FHIT: variants seen among roughly 807,000 people sequenced by gnomAD.
FHIT encodes bis(5'-adenosyl)-triphosphatase.
In FHIT, 19 loss-of-function variants were observed where a neutral mutation model predicts 17.9. The observed-to-expected ratio is 1.06, with a 90% CI of 0.74 to 1.56. The LOEUF is 1.56. Among genes scored for constraint, FHIT ranks in the 40% most tolerant of loss-of-function variants. The pLI, the probability that FHIT is intolerant of heterozygous loss-of-function variation, is 0.00. For synonymous variants in FHIT, 81 were observed against 69.7 expected (o/e 1.16, Z -0.81); for missense variants, 248 against 189.2 (o/e 1.31, Z -1.82).
intron 3 of FHIT, among the ~76,000 whole-genome samples, chr3:60,896,557 C>T (rs549261420): frequency 6.6e-6 from 1 of 152,188 alleles, no homozygotes; most frequent in East Asian, 1.9e-4. Flanking sequence ...AGAATTGTCC[C>T]ACAAATAACA....
chr3:60,158,462 C>T (rs113880653), intron 5 of FHIT, among the ~76,000 whole-genome samples: 10,516 of 152,148 alleles, frequency 0.069, 420 homozygotes, highest in Middle Eastern at 0.16. Context: ...CAGGCACCTG[C>T]CACCAGGCCT....
At chr3:60,386,816 T>A (rs1701028665) in intron 5 of FHIT, among the ~76,000 whole-genome samples, 1 of 152,152 alleles carries the variant, frequency 6.6e-6, no homozygotes, top group South Asian at 2.1e-4. Flanking sequence ...TGCTGACCAC[T>A]TTACATGCAT....
intron 7 of FHIT, among the ~76,000 whole-genome samples, chr3:59,945,413 A>G (rs1706750955): frequency 6.6e-6 from 1 of 152,024 alleles, no homozygotes; most frequent in Non-Finnish European, 1.5e-5. Flanking sequence ...TAGAGTCTGA[A>G]TCTTATACTT....
chr3:60,802,085 T>C (rs1263088218), intron 4 of FHIT, among the ~76,000 whole-genome samples: 1 of 152,232 alleles, frequency 6.6e-6, no homozygotes, highest in Non-Finnish European at 1.5e-5. Flanking sequence ...ACTGTCATTA[T>C]GAGAGAATTT....
At chr3:60,129,939 C>A (rs1035821068) in intron 5 of FHIT, among the ~76,000 whole-genome samples, 1 of 152,102 alleles carries the variant, frequency 6.6e-6, no homozygotes, top group African/African-American at 2.4e-5. Flanking sequence ...TGTTTTTGTG[C>A]CCTTTTCTAG....
chr3:61,080,279 G>T (rs908564207), intron 2 of FHIT, among the ~76,000 whole-genome samples: 12 of 152,238 alleles, frequency 7.9e-5, no homozygotes, highest in African/African-American at 2.9e-4. Context: ...AGCCATTCAA[G>T]TTGTCATTTA....
intron 3 of FHIT, among the ~76,000 whole-genome samples, chr3:60,981,815 C>T (rs1309910002): frequency 2.6e-5 from 4 of 151,754 alleles, no homozygotes; most frequent in Admixed American, 2.6e-4. Flanking sequence ...GTTACCCAGG[C>T]TGGTCTCAAA....
chr3:60,525,003 T>C (rs1452139777), intron 5 of FHIT, among the ~76,000 whole-genome samples: 1 of 152,168 alleles, frequency 6.6e-6, no homozygotes, highest in Non-Finnish European at 1.5e-5. Flanking sequence ...GGGGCAATGG[T>C]TGATGGCAGG....
chr3:60,318,129 AC>A (rs2106791018), intron 5 of FHIT, among the ~76,000 whole-genome samples: 1 of 152,152 alleles, frequency 6.6e-6, no homozygotes, highest in South Asian at 2.1e-4. Context: ...AAAACAAAAA[AC>A]CCTGAACACA....
At chr3:60,846,127 G>A (rs1288003634) in intron 3 of FHIT, among the ~76,000 whole-genome samples, 1 of 152,132 alleles carries the variant, frequency 6.6e-6, no homozygotes, top group East Asian at 1.9e-4. Context: ...GTCTTTAACA[G>A]CTTAGCTACA....
chr3:60,099,823 T>C (rs1007849660), intron 5 of FHIT, among the ~76,000 whole-genome samples: 1 of 152,222 alleles, frequency 6.6e-6, no homozygotes, highest in Admixed American at 6.5e-5. Context: ...AGAGCATGTA[T>C]ACTGGGTAAG....
chr3:60,031,812 A>G (rs776355469), intron 5 of FHIT, among the ~76,000 whole-genome samples: 2 of 152,214 alleles, frequency 1.3e-5, no homozygotes, highest in Non-Finnish European at 2.9e-5. Flanking sequence ...GAAACACATG[A>G]ACATGAATGA....
intron 5 of FHIT, among the ~76,000 whole-genome samples, chr3:60,239,740 T>C (rs1370106046): frequency 6.6e-6 from 1 of 152,164 alleles, no homozygotes; most frequent in East Asian, 1.9e-4. Context: ...CCTTGCCCAA[T>C]TCTCATTTAA....
chr3:61,241,517 A>C lies in FHIT; in HGVS notation c.-213+9784T>G, dbSNP rs1403406136. On this transcript the variant is annotated intron_variant, in intron 1 of 9. Transcript: ENST00000492590. ...CACATTCCACAGACTTCAGTGATTAAATGACTGTAGATTGTATGCTCCTCC... is the reference window on the plus strand; with the variant it reads ...CACATTCCACAGACTTCAGTGATTACATGACTGTAGATTGTATGCTCCTCC... 2.6e-5 allele frequency among the ~76,000 whole-genome samples: 4 copies of C among 152,206 alleles called. No individual in the cohort carries two copies. In the East Asian group the frequency reaches 7.7e-4, roughly 29 times the overall value.
intron 5 of FHIT, among the ~76,000 whole-genome samples, chr3:60,203,743 T>A (rs1496650): frequency 2.0e-4 from 30 of 152,002 alleles, no homozygotes; most frequent in Non-Finnish European, 1.5e-5. Flanking sequence ...GCAAGAGAGA[T>A]GATAGTTAAT....
chr3:61,206,178 T>A (rs1372363405), intron 1 of FHIT, among the ~76,000 whole-genome samples: 127 of 135,430 alleles, frequency 9.4e-4, no homozygotes, highest in Non-Finnish European at 1.8e-3. Context: ...TTGATCTATA[T>A]CTCTGTTTTG....
intron 5 of FHIT, among the ~76,000 whole-genome samples, chr3:60,207,411 G>A (rs1410044759): frequency 2.6e-5 from 4 of 152,058 alleles, no homozygotes; most frequent in South Asian, 2.1e-4. Context: ...AACAGACCTC[G>A]AAAGGCTTCT....
intron 3 of FHIT, among the ~76,000 whole-genome samples, chr3:60,906,033 C>T (rs797027832): frequency 2.0e-5 from 3 of 152,070 alleles, no homozygotes; most frequent in African/African-American, 7.2e-5. Flanking sequence ...AACTTGCATA[C>T]AGGCAGGACA....
At position 59,911,211 on chromosome 3, in the gene FHIT, G is replaced by C. The variant is rs376509712; in HGVS notation, c.348+11135C>G. On this transcript the variant is annotated intron_variant, in intron 8 of 9. Coordinates refer to ENST00000492590, the MANE Select transcript of FHIT (RefSeq NM_002012.4). ...ATTAAATATATTCCTCTATTATTTG[G>C]CATTTAAATTGTTTCCCAGGTTTAG... Among the ~76,000 whole-genome samples the C allele has an allele frequency of 5.3e-5, 8 of 152,122 alleles. No individual in the cohort carries two copies. In the East Asian group the frequency reaches 1.3e-3, roughly 26 times the overall value.
Sources: allele counts gnomAD v4.1 joint callset (sites outside exome capture counted in the v4.1 genomes callset), GRCh38; gene constraint gnomAD v4.1.1; transcripts MANE v1.5; gene names NCBI Gene and HGNC (gene_info 2026-07-23, HGNC 2026-07-21).